MICB: variants seen among roughly 807,000 people sequenced by gnomAD.
MICB encodes the protein MHC class I antigen-related protein B.
In MICB, 27 loss-of-function variants were observed where a neutral mutation model predicts 34.3. The ratio of observed to expected loss-of-function variants is 0.79; its 90% CI spans 0.58 to 1.08. MICB has a LOEUF of 1.08. Among genes scored for constraint, MICB ranks in the 50% least tolerant of loss-of-function variants. The probability of loss-of-function intolerance (pLI) is 0.00; values close to 1 mark genes in which losing one functional copy is unlikely to be tolerated. For missense variants in MICB, 426 were observed against 483.1 expected (o/e 0.88, Z 1.11); for synonymous variants, 153 against 187.4 (o/e 0.82, Z 1.50).
chr6:31,495,637 T>A (rs762262845), upstream of MICB, among the ~76,000 whole-genome samples: 12 of 150,384 alleles, frequency 8.0e-5, no homozygotes, highest in Non-Finnish European at 1.5e-4. Context: ...TAGTTGAACT[T>A]AAAAAAAAAG....
chr6:31,509,190 T>C (rs1005839730), intron 5 of MICB, among the ~76,000 whole-genome samples: 1 of 152,162 alleles, frequency 6.6e-6, no homozygotes, highest in Non-Finnish European at 1.5e-5. Flanking sequence ...CCAGGCCTCC[T>C]CGAGCAAGGT....
chr6:31,496,626 AAAG>A (rs1764680854), upstream of MICB: 1 of 150,872 alleles, frequency 6.6e-6, no homozygotes, highest in Non-Finnish European at 1.5e-5. Flanking sequence ...TCGACCTCCC[AAAG>A]TGCTGGGATT....
At chr6:31,500,903 C>G (rs1457726995) in intron 1 of MICB, among the ~76,000 whole-genome samples, 1 of 152,144 alleles carries the variant, frequency 6.6e-6, no homozygotes, top group Non-Finnish European at 1.5e-5. Flanking sequence ...AAGTAGATAG[C>G]TCTTTAATAT....
chr6:31,507,532 G>T lies in MICB; in HGVS notation c.1024+1G>T. 1 of 1,614,192 alleles carries T rather than the reference G, an allele frequency of 6.2e-7. No individual in the cohort carries two copies. Among genetic ancestry groups the T allele is most frequent in the Non-Finnish European group, 8.5e-7 (1 of 1,180,026 alleles). ...AAAACATCAGCGGCAGAGGGTCCAG[G>T]TGAGAAAAGGGGACAGTTTCTGGAG... On this transcript the variant is annotated splice_donor_variant, in intron 5 of 5. Transcript: ENST00000252229. LOFTEE classifies it high-confidence loss of function. The surrounding 1 kb of genome is among the most constrained non-coding windows in gnomAD (Gnocchi z 6.0).
upstream of MICB, chr6:31,498,114 T>C (rs1764768003): frequency 8.0e-7 from 1 of 1,257,250 alleles, no homozygotes; most frequent in Non-Finnish European, 1.1e-6. Context: ...CGCAGGTGAC[T>C]AAATTTCGAC....
chr6:31,501,882 T>C (rs1173035225), intron 1 of MICB, among the ~76,000 whole-genome samples: 1 of 152,226 alleles, frequency 6.6e-6, no homozygotes, highest in African/African-American at 2.4e-5. Context: ...GCTAGTTTTG[T>C]TCTTTTTGCT....
In MICB at chr6:31,510,079, C is replaced by A. The variant is rs565544542; in HGVS notation, c.*170C>A. ...GTTTGCTGCTCTGCCACGTAGAGAG[C>A]CAGCAAAGGGATCATGACCAACTCA... On this transcript the variant is annotated 3_prime_UTR_variant, in exon 6 of 6. Transcript: ENST00000252229. 81 of 617,134 alleles carry A rather than the reference C, an allele frequency of 1.3e-4. No homozygotes were observed. The South Asian group carries it at 3.5e-3, about 27-fold the overall frequency. 38.2% of individuals were successfully genotyped at this position (617,134 alleles called of 1,614,324 possible).
chr6:31,508,285 G>C (rs1765466949), intron 5 of MICB, among the ~76,000 whole-genome samples: 1 of 152,140 alleles, frequency 6.6e-6, no homozygotes, highest in Admixed American at 6.5e-5. Context: ...TTCTCAAGGT[G>C]GTCACTGCCT....
intron 1 of MICB, chr6:31,498,684 G>A (rs1582862561): frequency 1.9e-5 from 3 of 155,816 alleles, no homozygotes; most frequent in Admixed American, 1.3e-4. Flanking sequence ...AGTCAGGATG[G>A]TCTCGATCTC....
chr6:31,508,662 G>A (rs1399796485), intron 5 of MICB, among the ~76,000 whole-genome samples: 1 of 152,174 alleles, frequency 6.6e-6, no homozygotes, highest in Non-Finnish European at 1.5e-5. Context: ...CTGGTTCCCT[G>A]TGGGCAGGAA....
At chr6:31,503,648 A>G (rs1307136503) in intron 1 of MICB, among the ~76,000 whole-genome samples, 1 of 152,220 alleles carries the variant, frequency 6.6e-6, no homozygotes, top group African/African-American at 2.4e-5. Flanking sequence ...TTTAATGATG[A>G]ATAATACTCA....
intron 1 of MICB, among the ~76,000 whole-genome samples, chr6:31,499,495 C>A (rs1325953130): frequency 6.6e-6 from 1 of 152,024 alleles, no homozygotes; most frequent in Non-Finnish European, 1.5e-5. Context: ...TGCCCCTATG[C>A]CTCCCCATTC....
In MICB at chr6:31,510,033, A is replaced by G; in HGVS notation, c.*124A>G. ...TTATTTATTGTTGTTGGATGCTGCA[A>G]AGTGTTAGTAGGTATGAGGTGTTTG... On this transcript the variant is annotated 3_prime_UTR_variant, in exon 6 of 6. Coordinates refer to ENST00000252229, the MANE Select transcript of MICB (RefSeq NM_005931.5). The G allele has an allele frequency of 8.3e-7, 1 of 1,210,162 alleles. No individual in the cohort carries two copies. Among genetic ancestry groups the G allele is most frequent in the South Asian group, 1.8e-5 (1 of 56,590 alleles). 75.0% of individuals were successfully genotyped at this position (1,210,162 alleles called of 1,614,324 possible).
At chr6:31,502,442 T>C (rs1356029600) in intron 1 of MICB, among the ~76,000 whole-genome samples, 1 of 152,274 alleles carries the variant, frequency 6.6e-6, no homozygotes, top group Admixed American at 6.5e-5. Context: ...ATAGTTTTTA[T>C]TGGAGAGATC....
Position 31,498,184 on chromosome 6 carries a change from C to A in MICB, c.-10C>A. On this transcript the variant is annotated 5_prime_UTR_variant, in exon 1 of 6. Coordinates refer to ENST00000252229, the MANE Select transcript of MICB (RefSeq NM_005931.5). ...TGCTGAGCAGCTGAGAAGGTGGCGA[C>A]GTAGGGGCCATGGGGCTGGGCCGGG... is the stretch of plus-strand genomic sequence containing the variant. 6.3e-7 allele frequency: 1 copy of A among 1,577,248 alleles called. No individual in the cohort carries two copies. The highest frequency in any genetic ancestry group is 8.6e-7 in the Non-Finnish European group (1 of 1,159,562).
chr6:31,500,714 G>A (rs1277168848), intron 1 of MICB, among the ~76,000 whole-genome samples: 15 of 152,112 alleles, frequency 9.9e-5, no homozygotes, highest in Non-Finnish European at 1.5e-5. Flanking sequence ...GTCTCTCTGG[G>A]CCTGGGGCTT....
chr6:31,509,325 G>A (rs1311795720), intron 5 of MICB, among the ~76,000 whole-genome samples: 2 of 152,264 alleles, frequency 1.3e-5, no homozygotes, highest in Admixed American at 1.3e-4. Context: ...TCAGGGCTGG[G>A]AGGGGAGGAG....
At chr6:31,502,065 G>T (rs1765046719) in intron 1 of MICB, among the ~76,000 whole-genome samples, 1 of 152,172 alleles carries the variant, frequency 6.6e-6, no homozygotes, top group African/African-American at 2.4e-5. Context: ...GCTGGGCACG[G>T]TGGCTCACTC....
intron 5 of MICB, among the ~76,000 whole-genome samples, chr6:31,508,460 G>A (rs954173235): frequency 1.3e-5 from 2 of 152,224 alleles, no homozygotes; most frequent in Non-Finnish European, 2.9e-5. Flanking sequence ...CTGGCGGTAG[G>A]GGCGCTGGTT....
Sources: gnomAD v4.1 joint callset for allele counts (sites outside exome capture counted in the v4.1 genomes callset) on GRCh38, gnomAD v4.1.1 for gene constraint, Gnocchi (gnomAD v3.1) non-coding constraint, MANE v1.5 for transcripts, NCBI Gene and HGNC (gene_info 2026-07-23, HGNC 2026-07-21) for gene names.